Variants in DAB1 observed in about 807,000 individuals in gnomAD.
DAB1 encodes disabled homolog 1.
A neutral mutation model predicts 64.6 loss-of-function variants in DAB1; 15 were observed. The observed-to-expected ratio is 0.23, with a 90% CI of 0.16 to 0.36. DAB1 has a LOEUF of 0.36. DAB1 is among the 10% of genes least tolerant of loss of function. The probability of loss-of-function intolerance (pLI) is 1.00; values close to 1 mark genes in which losing one functional copy is unlikely to be tolerated. For missense variants in DAB1, 596 were observed against 706.7 expected (o/e 0.84, Z 1.78); for synonymous variants, 235 against 251.9 (o/e 0.93, Z 0.64).
rs545629040 is a variant in DAB1 at position 57,748,241 on chromosome 1, C to T, written n.552-98576G>A. Among the ~76,000 whole-genome samples the T allele has an allele frequency of 2.0e-5, 3 of 152,266 alleles. No homozygotes were observed. The South Asian group carries it at 6.2e-4, about 32-fold the overall frequency. ...CCAATACTAAACTTTGGTGCAGGTA[C>T]AGGTGTGATTCATTTATTCTGCCAT... On this transcript the variant is annotated intron_variant and non_coding_transcript_variant, in intron 6 of 20. Coordinates refer to the DAB1 transcript ENST00000485760.
intron 7 of DAB1, among the ~76,000 whole-genome samples, chr1:57,619,905 A>G (rs888410935): frequency 2.0e-5 from 3 of 152,156 alleles, no homozygotes; most frequent in African/African-American, 7.2e-5. Context: ...CTGAGCAGGC[A>G]TGAATACCAC....
chr1:58,155,687 C>T (rs1429387062), intron 4 of DAB1, among the ~76,000 whole-genome samples: 2 of 152,198 alleles, frequency 1.3e-5, no homozygotes, highest in Admixed American at 6.5e-5. Flanking sequence ...GCTATCAGAG[C>T]AAGCAATGAC....
intron 5 of DAB1, among the ~76,000 whole-genome samples, chr1:57,948,504 G>C (rs541047185): frequency 1.8e-3 from 280 of 152,194 alleles, no homozygotes; most frequent in Middle Eastern, 6.8e-3. Context: ...ATCCTGATTT[G>C]GCTCTGAAGT....
Position 57,287,350 on chromosome 1 carries a change from T to C in DAB1, c.67+3614A>G, listed in dbSNP as rs534866874. 1.6e-4 allele frequency among the ~76,000 whole-genome samples: 24 copies of C among 152,276 alleles called. 1 individual carries two copies. The South Asian group carries it at 3.7e-3, about 24-fold the overall frequency. ...TTAGCCTCCCAAAGAGCTGAGACTA[T>C]AGGCATGAGCCACCATGCCCAGCCA... On this transcript the variant is annotated intron_variant, in intron 2 of 14. Coordinates refer to ENST00000371236, the MANE Select transcript of DAB1 (RefSeq NM_001365792.1).
upstream of DAB1, among the ~76,000 whole-genome samples, chr1:57,886,108 T>C (rs367849592): frequency 2.0e-5 from 3 of 152,178 alleles, no homozygotes; most frequent in African/African-American, 7.2e-5. Context: ...GGAGTCCAGG[T>C]CTACATCAAA....
chr1:57,951,714 A>G (rs1645283791), intron 5 of DAB1, among the ~76,000 whole-genome samples: 1 of 152,136 alleles, frequency 6.6e-6, no homozygotes, highest in South Asian at 2.1e-4. Context: ...TGCTTAGTAG[A>G]TGCCCAGTGA....
intron 3 of DAB1, chr1:58,468,788 C>T (rs188547179): frequency 6.4e-5 from 10 of 155,530 alleles, no homozygotes; most frequent in African/African-American, 1.9e-4. Flanking sequence ...ATCTCATGTG[C>T]AGCAGGAACG....
At chr1:58,376,158 G>T (rs1259211153) in intron 3 of DAB1, among the ~76,000 whole-genome samples, 3 of 151,458 alleles carry the variant, frequency 2.0e-5, no homozygotes, top group East Asian at 1.9e-4. Flanking sequence ...TTTTGAAGGG[G>T]TTTTTTTGTC....
At chr1:57,145,053 G>C (rs1658980858) in intron 3 of DAB1, among the ~76,000 whole-genome samples, 1 of 152,118 alleles carries the variant, frequency 6.6e-6, no homozygotes, top group Non-Finnish European at 1.5e-5. Flanking sequence ...AATAAAATGT[G>C]ATACACTCAA....
Position 58,260,903 on chromosome 1 carries a change from C to T in DAB1, n.309+82449G>A, listed in dbSNP as rs368350571. ...TTATCCCTTTGCTTCCCTGGCTTCC[C>T]GAGAGTCCATAAAACCCTGATGGCA... On this transcript the variant is annotated intron_variant and non_coding_transcript_variant, in intron 4 of 20. Coordinates refer to the DAB1 transcript ENST00000485760. Among the ~76,000 whole-genome samples the T allele has an allele frequency of 4.2e-4, 64 of 152,182 alleles. 1 individual carries two copies. In the East Asian group the frequency reaches 0.011, roughly 26 times the overall value.
intron 6 of DAB1, among the ~76,000 whole-genome samples, chr1:57,695,393 A>AG (rs1646828307): frequency 1.3e-5 from 1 of 79,056 alleles, no homozygotes; most frequent in Non-Finnish European, 2.8e-5. Context: ...AGAAAGAAAG[A>AG]AAGAAAGAAA....
chr1:58,370,206 T>C (rs1644251745), intron 3 of DAB1, among the ~76,000 whole-genome samples: 1 of 152,192 alleles, frequency 6.6e-6, no homozygotes, highest in South Asian at 2.1e-4. Context: ...TGTAAAAGAA[T>C]AGTGTACTGA....
chr1:58,095,767 G>T (rs912052695), intron 5 of DAB1, among the ~76,000 whole-genome samples: 15 of 152,202 alleles, frequency 9.9e-5, no homozygotes, highest in African/African-American at 3.4e-4. Context: ...TAGAAGTTGA[G>T]CCTGAAGGTA....
chr1:57,309,333 G>A (rs553348438), intron 1 of DAB1, among the ~76,000 whole-genome samples: 13 of 152,218 alleles, frequency 8.5e-5, no homozygotes, highest in East Asian at 1.9e-4. Flanking sequence ...AACATCTGTC[G>A]CAGAGAATAC....
At chr1:57,614,275 A>T (rs543484510) in intron 7 of DAB1, among the ~76,000 whole-genome samples, 1 of 152,220 alleles carries the variant, frequency 6.6e-6, no homozygotes, top group African/African-American at 2.4e-5. Context: ...ACAAACAAAC[A>T]AACCCCAAAT....
intron 5 of DAB1, among the ~76,000 whole-genome samples, chr1:58,146,409 A>G (rs932425350): frequency 3.9e-5 from 6 of 152,196 alleles, no homozygotes; most frequent in African/African-American, 1.2e-4. Context: ...ATATAATACA[A>G]TATAATTAAC....
intron 1 of DAB1, among the ~76,000 whole-genome samples, chr1:57,297,126 C>T (rs182542371): frequency 5.3e-5 from 8 of 151,996 alleles, no homozygotes; most frequent in African/African-American, 9.7e-5. Flanking sequence ...TTTAAGAAAT[C>T]GGAAGGGGAG....
In DAB1 at chr1:57,841,965, A is replaced by G. The variant is rs1333611300; in HGVS notation, n.88-15510T>C. Reference sequence around the variant, plus strand: ...TTCTTTTCTACTGCATGGTCAGGCTAGAAATTTTCCAAACCTTTATGCTCT... The same window carrying G: ...TTCTTTTCTACTGCATGGTCAGGCTGGAAATTTTCCAAACCTTTATGCTCT... On this transcript the variant is annotated intron_variant and non_coding_transcript_variant, in intron 1 of 1. Coordinates refer to the DAB1 transcript ENST00000477280. Among the ~76,000 whole-genome samples, 3 of 152,336 alleles carry G rather than the reference A, an allele frequency of 2.0e-5. No homozygotes were observed. The East Asian group carries it at 5.8e-4, about 29-fold the overall frequency.
intron 9 of DAB1, among the ~76,000 whole-genome samples, chr1:57,048,402 A>C (rs1395891937): frequency 6.6e-6 from 1 of 152,238 alleles, no homozygotes; most frequent in African/African-American, 2.4e-5. Context: ...TCATACAGCT[A>C]ATAAGTATAG....
Sources: allele counts gnomAD v4.1 joint callset (sites outside exome capture counted in the v4.1 genomes callset), GRCh38; gene constraint gnomAD v4.1.1; transcripts MANE v1.5; gene names NCBI Gene and HGNC (gene_info 2026-07-23, HGNC 2026-07-21).